Variants in TMEM117 observed in about 807,000 individuals in gnomAD.
TMEM117 encodes transmembrane protein 117.
TMEM117 carries 27 observed loss-of-function variants against 52.4 expected under a neutral mutation model. That is an observed-to-expected ratio of 0.51 (90% CI 0.38 to 0.71). The LOEUF is 0.71. Among genes scored for constraint, TMEM117 ranks in the 30% least tolerant of loss-of-function variants. The probability of loss-of-function intolerance (pLI) is 0.00; values close to 1 mark genes in which losing one functional copy is unlikely to be tolerated. For missense variants in TMEM117, 556 were observed against 630.5 expected (o/e 0.88, Z 1.26); for synonymous variants, 215 against 206.3 (o/e 1.04, Z -0.36).
chr12:44,291,350 T>C (rs1950701219), intron 5 of TMEM117, among the ~76,000 whole-genome samples: 1 of 151,074 alleles, frequency 6.6e-6, no homozygotes. Flanking sequence ...GCAACTTTAC[T>C]CAATTTGTTT....
chr12:44,324,543 A>G (rs1565716002), intron 6 of TMEM117, among the ~76,000 whole-genome samples: 1 of 152,144 alleles, frequency 6.6e-6, no homozygotes, highest in Non-Finnish European at 1.5e-5. Flanking sequence ...TTAAGTAACA[A>G]AAACATTACA....
In TMEM117 at chr12:44,059,092, A is replaced by G. The variant is rs561298136; in HGVS notation, c.411-84433A>G. 1.7e-3 allele frequency among the ~76,000 whole-genome samples: 260 copies of G among 152,280 alleles called. 1 individual carries two copies. Among genetic ancestry groups the G allele is most frequent in the African/African-American group, 6.0e-3 (251 of 41,556 alleles). On this transcript the variant is annotated intron_variant, in intron 3 of 7. Coordinates refer to ENST00000266534, the MANE Select transcript of TMEM117 (RefSeq NM_032256.3). Reference sequence around the variant, plus strand: ...AGTTCACAATGGGGTTCATGCTCCTATGAGAATGTAATGCCACTGCTGATC... The same window carrying G: ...AGTTCACAATGGGGTTCATGCTCCTGTGAGAATGTAATGCCACTGCTGATC...
intron 5 of TMEM117, among the ~76,000 whole-genome samples, chr12:44,293,264 G>T (rs903222989): frequency 8.6e-5 from 13 of 151,828 alleles, no homozygotes; most frequent in African/African-American, 2.9e-4. Flanking sequence ...GTTACCATTT[G>T]ATTAGAATGT....
chr12:44,159,950 T>C (rs1289725098), intron 4 of TMEM117, among the ~76,000 whole-genome samples: 2 of 152,076 alleles, frequency 1.3e-5, no homozygotes, highest in Non-Finnish European at 2.9e-5. Context: ...TTTAAGATAA[T>C]GCTCATCTCC....
chr12:43,968,331 G>C (rs1945519192), intron 3 of TMEM117, among the ~76,000 whole-genome samples: 1 of 152,146 alleles, frequency 6.6e-6, no homozygotes, highest in African/African-American at 2.4e-5. Context: ...GCAGTTTTAA[G>C]GACTAGCCTA....
intron 3 of TMEM117, among the ~76,000 whole-genome samples, chr12:44,115,690 A>T (rs1043762982): frequency 1.3e-5 from 2 of 152,190 alleles, no homozygotes; most frequent in Admixed American, 6.5e-5. Flanking sequence ...TATAGTCATT[A>T]TAATTTTCAT....
the TMEM117 span, among the ~76,000 whole-genome samples, chr12:43,815,468 G>A: frequency 6.6e-6 from 1 of 152,206 alleles, no homozygotes; most frequent in Non-Finnish European, 1.5e-5. Context: ...CTGATGCAGA[G>A]TGAATTGCTG....
At chr12:43,832,731 T>C (rs1942989874), upstream of TMEM117, among the ~76,000 whole-genome samples, 1 of 152,200 alleles carries the variant, frequency 6.6e-6, no homozygotes, top group Non-Finnish European at 1.5e-5. Context: ...ACAAGCCACA[T>C]TGCCTGGTTT....
intron 6 of TMEM117, among the ~76,000 whole-genome samples, chr12:44,345,484 A>G (rs1261951750): frequency 6.6e-6 from 1 of 152,156 alleles, no homozygotes; most frequent in African/African-American, 2.4e-5. Flanking sequence ...TAAAACAGAT[A>G]AAACACATAT....
At chr12:44,116,092 C>A (rs188230412) in intron 3 of TMEM117, among the ~76,000 whole-genome samples, 5 of 152,282 alleles carry the variant, frequency 3.3e-5, no homozygotes, top group Admixed American at 3.3e-4. Flanking sequence ...TTGCTGAAGT[C>A]AATAATCATC....
intron 2 of TMEM117, among the ~76,000 whole-genome samples, chr12:43,927,932 GT>G (rs534786906): frequency 6.6e-6 from 1 of 151,630 alleles, no homozygotes; most frequent in East Asian, 1.9e-4. Flanking sequence ...ATTCTGCCAA[GT>G]TTTTTTGTGT....
chr12:43,931,194 G>A (rs938682441), intron 2 of TMEM117, among the ~76,000 whole-genome samples: 1 of 152,204 alleles, frequency 6.6e-6, no homozygotes, highest in Non-Finnish European at 1.5e-5. Flanking sequence ...TTGCCATCAG[G>A]TAGAGTAGTC....
At chr12:44,311,805 G>T (rs1950985339) in intron 6 of TMEM117, among the ~76,000 whole-genome samples, 1 of 99,374 alleles carries the variant, frequency 1.0e-5, no homozygotes, top group Non-Finnish European at 1.9e-5. Context: ...ATGTATATAT[G>T]TATATATGTA....
intron 3 of TMEM117, among the ~76,000 whole-genome samples, chr12:44,114,584 A>T (rs893518681): frequency 6.6e-6 from 1 of 152,166 alleles, no homozygotes; most frequent in Non-Finnish European, 1.5e-5. Flanking sequence ...TAGTTTGTTC[A>T]GTAGCCTCTG....
intron 3 of TMEM117, among the ~76,000 whole-genome samples, chr12:44,124,196 T>G (rs914748080): frequency 6.6e-6 from 1 of 152,326 alleles, no homozygotes; most frequent in South Asian, 2.1e-4. Flanking sequence ...GTGATTCAGC[T>G]TTCCACTACC....
the TMEM117 span, among the ~76,000 whole-genome samples, chr12:43,829,155 A>C: frequency 1.1e-4 from 17 of 151,972 alleles, no homozygotes; most frequent in Non-Finnish European, 1.8e-4. Context: ...TGTGTATCTA[A>C]ATTCTCCTTA....
chr12:43,896,068 T>A (rs1944195976), intron 2 of TMEM117, among the ~76,000 whole-genome samples: 1 of 152,194 alleles, frequency 6.6e-6, no homozygotes, highest in South Asian at 2.1e-4. Flanking sequence ...CAGTCTCCTT[T>A]GGCAGCACCC....
chr12:44,396,101 C>T, the TMEM117 span, among the ~76,000 whole-genome samples: 2 of 152,144 alleles, frequency 1.3e-5, no homozygotes, highest in East Asian at 1.9e-4. Flanking sequence ...GCCTGGCACT[C>T]AAGACTGTAT....
chr12:43,864,818 G>C (rs1392390458), intron 2 of TMEM117, among the ~76,000 whole-genome samples: 1 of 152,166 alleles, frequency 6.6e-6, no homozygotes, highest in Non-Finnish European at 1.5e-5. Context: ...TGGGAACTTT[G>C]TTCTTTTGCT....
Sources: allele counts gnomAD v4.1 joint callset (sites outside exome capture counted in the v4.1 genomes callset), GRCh38; gene constraint gnomAD v4.1.1; transcripts MANE v1.5; gene names NCBI Gene and HGNC (gene_info 2026-07-23, HGNC 2026-07-21).